The following CTNND2 variants were observed in gnomAD, a reference collection of about 807,000 sequenced individuals.
CTNND2 encodes the protein catenin delta-2.
CTNND2 carries 22 observed loss-of-function variants against 144.4 expected under a neutral mutation model. The ratio of observed to expected loss-of-function variants is 0.15; its 90% CI spans 0.11 to 0.22. CTNND2 has a LOEUF of 0.22. CTNND2 is among the 10% of genes least tolerant of loss of function. The pLI, the probability that CTNND2 is intolerant of heterozygous loss-of-function variation, is 1.00. For missense variants in CTNND2, 1,353 were observed against 1,618.8 expected, an observed-to-expected ratio of 0.84 and a Z score of 2.82; for synonymous variants, 751 against 695.6, an observed-to-expected ratio of 1.08 and a Z score of -1.25.
chr5:11,722,371 T>C (rs1030631941), intron 2 of CTNND2, among the ~76,000 whole-genome samples: 2 of 152,214 alleles, frequency 1.3e-5, no homozygotes, highest in Non-Finnish European at 2.9e-5. Flanking sequence ...CAGTTGCAGG[T>C]AAGTATGCTT....
chr5:11,436,398 T>C (rs1763778470), intron 3 of CTNND2, among the ~76,000 whole-genome samples: 1 of 152,194 alleles, frequency 6.6e-6, no homozygotes, highest in Admixed American at 6.5e-5. Context: ...GAATCTGATG[T>C]ATAAGGTCAC....
chr5:11,839,923 A>G (rs1183793246), intron 1 of CTNND2, among the ~76,000 whole-genome samples: 1 of 152,236 alleles, frequency 6.6e-6, no homozygotes, highest in East Asian at 1.9e-4. Context: ...AGAGAAAGAT[A>G]ACTAAACTTA....
At chr5:11,538,421 T>C (rs1443298663) in intron 3 of CTNND2, among the ~76,000 whole-genome samples, 1 of 152,178 alleles carries the variant, frequency 6.6e-6, no homozygotes, top group Non-Finnish European at 1.5e-5. Context: ...AAACTAACCG[T>C]TTCCTCATTT....
intron 2 of CTNND2, among the ~76,000 whole-genome samples, chr5:11,598,535 T>C (rs765762622): frequency 3.3e-5 from 5 of 152,220 alleles, no homozygotes; most frequent in Non-Finnish European, 7.3e-5. Context: ...TTAAATGGTA[T>C]AGTGTTGTGC....
chr5:11,131,461 A>T (rs78072456), intron 12 of CTNND2, among the ~76,000 whole-genome samples: 2,070 of 152,250 alleles, frequency 0.014, 39 homozygotes, highest in African/African-American at 0.047. Context: ...AAGATCTGGC[A>T]TTATGTTCTG....
At chr5:11,865,471 G>A (rs1455333832) in intron 1 of CTNND2, among the ~76,000 whole-genome samples, 2 of 152,120 alleles carry the variant, frequency 1.3e-5, no homozygotes, top group African/African-American at 4.8e-5. Context: ...GAGAATAACT[G>A]TCAACCTCTT....
intron 5 of CTNND2, among the ~76,000 whole-genome samples, chr5:11,408,859 G>A (rs962507973): frequency 6.6e-6 from 1 of 151,878 alleles, no homozygotes; most frequent in Non-Finnish European, 1.5e-5. Context: ...TTGACTTACA[G>A]AAAAAAATAT....
At chr5:11,333,045 C>G (rs1446137138) in intron 9 of CTNND2, among the ~76,000 whole-genome samples, 1 of 152,186 alleles carries the variant, frequency 6.6e-6, no homozygotes. Flanking sequence ...ATGCCTTTAT[C>G]AGCAGTGTGA....
chr5:11,712,366 T>A (rs1786081312), intron 2 of CTNND2, among the ~76,000 whole-genome samples: 1 of 152,120 alleles, frequency 6.6e-6, no homozygotes, highest in South Asian at 2.1e-4. Flanking sequence ...ACAAAGTACC[T>A]CTCAGCAACT....
chr5:11,150,433 C>A (rs2149751611), intron 12 of CTNND2, among the ~76,000 whole-genome samples: 1 of 152,134 alleles, frequency 6.6e-6, no homozygotes, highest in Non-Finnish European at 1.5e-5. Context: ...TAGTCTTGGT[C>A]AATTAGAGGG....
At chr5:11,217,453 G>C (rs1370058211) in intron 10 of CTNND2, among the ~76,000 whole-genome samples, 1 of 152,144 alleles carries the variant, frequency 6.6e-6, no homozygotes, top group African/African-American at 2.4e-5. Flanking sequence ...GCCTTGTTCT[G>C]ATAAAGAGTC....
At position 11,904,242 on chromosome 5, in the gene CTNND2, G is replaced by A. The variant is rs895416734; in HGVS notation, c.-389C>T. Among the ~76,000 whole-genome samples the A allele has an allele frequency of 1.4e-5, 2 of 145,606 alleles. No individual in the cohort carries two copies. The highest frequency in any genetic ancestry group is 4.9e-5 in the African/African-American group (2 of 40,720). On this transcript the variant is annotated 5_prime_UTR_variant, in exon 1 of 22. Transcript: ENST00000304623. The surrounding 1 kb of genome is among the most constrained non-coding windows in gnomAD (Gnocchi z 4.2). ...TCGCCGCGGGCGCGAGCCTGGGGCC[G>A]CCGCGGCGCCCGGCGCCGAGCGCTC... is the stretch of plus-strand genomic sequence containing the variant.
At chr5:11,328,098 T>C (rs1320421923) in intron 9 of CTNND2, among the ~76,000 whole-genome samples, 1 of 152,208 alleles carries the variant, frequency 6.6e-6, no homozygotes, top group Non-Finnish European at 1.5e-5. Flanking sequence ...ACGTTCACTT[T>C]ATCAAAGCGC....
At chr5:11,328,560 T>C (rs933501709) in intron 9 of CTNND2, among the ~76,000 whole-genome samples, 1 of 152,202 alleles carries the variant, frequency 6.6e-6, no homozygotes, top group Non-Finnish European at 1.5e-5. Flanking sequence ...CTTCTTGGCC[T>C]ACCAAAGTGC....
chr5:11,708,207 T>C (rs956746721), intron 2 of CTNND2, among the ~76,000 whole-genome samples: 1 of 151,714 alleles, frequency 6.6e-6, no homozygotes, highest in Non-Finnish European at 1.5e-5. Flanking sequence ...CCACCACACC[T>C]GGCTATAAAG....
At chr5:11,815,241 G>A (rs1046620530) in intron 1 of CTNND2, among the ~76,000 whole-genome samples, 2 of 152,084 alleles carry the variant, frequency 1.3e-5, no homozygotes, top group African/African-American at 2.4e-5. Flanking sequence ...AGAAGTTTCT[G>A]TACCAATGAA....
At chr5:11,387,238 C>CA (rs1380940938) in intron 6 of CTNND2, among the ~76,000 whole-genome samples, 1 of 43,450 alleles carries the variant, frequency 2.3e-5, no homozygotes, top group Non-Finnish European at 6.0e-5. Context: ...GTCTTTTCAG[C>CA]ATTAAAAAAA....
intron 16 of CTNND2, among the ~76,000 whole-genome samples, chr5:11,045,291 A>C (rs1355955716): frequency 1.3e-5 from 2 of 152,200 alleles, no homozygotes; most frequent in Admixed American, 6.5e-5. Context: ...TAAGGGCTTC[A>C]GAAAGCTTCC....
At chr5:11,874,642 G>C (rs1186819529) in intron 1 of CTNND2, among the ~76,000 whole-genome samples, 1 of 152,154 alleles carries the variant, frequency 6.6e-6, no homozygotes, top group East Asian at 1.9e-4. Context: ...TACATCCTAG[G>C]TGGGAAGGAA....
Sources: allele counts gnomAD v4.1 joint callset (sites outside exome capture counted in the v4.1 genomes callset), GRCh38; gene constraint gnomAD v4.1.1; non-coding constraint Gnocchi (gnomAD v3.1); transcripts MANE v1.5; gene names NCBI Gene and HGNC (gene_info 2026-07-23, HGNC 2026-07-21).